Variants in TRAPPC9 observed in about 807,000 individuals in gnomAD.
The protein encoded by TRAPPC9 is IKK2 binding protein.
A neutral mutation model predicts 124.0 loss-of-function variants in TRAPPC9; 83 were observed. The observed-to-expected ratio is 0.67, with a 90% CI of 0.56 to 0.80. The LOEUF (loss-of-function observed/expected upper bound fraction) is 0.80, where lower values mean the gene tolerates loss of function less well. TRAPPC9 is among the 30% of genes least tolerant of loss of function. The pLI is 0.00. For synonymous variants in TRAPPC9, 638 were observed against 617.5 expected (o/e 1.03, Z -0.49); for missense variants, 1,302 against 1,508.3 (o/e 0.86, Z 2.27).
chr8:140,295,918 C>T (rs746613700), intron 11 of TRAPPC9, among the ~76,000 whole-genome samples: 2 of 152,142 alleles, frequency 1.3e-5, no homozygotes, highest in Non-Finnish European at 2.9e-5. Context: ...CTGAAACTTG[C>T]GTTATATCTC....
intron 19 of TRAPPC9, among the ~76,000 whole-genome samples, chr8:139,971,368 T>C (rs1412727476): frequency 1.3e-5 from 2 of 152,152 alleles, no homozygotes; most frequent in East Asian, 1.9e-4. Context: ...CCTCCTGGCC[T>C]GGCACAGGCA....
intron 19 of TRAPPC9, among the ~76,000 whole-genome samples, chr8:139,976,265 C>T (rs1836456701): frequency 6.6e-6 from 1 of 152,044 alleles, no homozygotes; most frequent in South Asian, 2.1e-4. Context: ...TCACCTCACA[C>T]CCGACACAAA....
chr8:139,980,986 C>T (rs1836855906), intron 19 of TRAPPC9, among the ~76,000 whole-genome samples: 1 of 152,228 alleles, frequency 6.6e-6, no homozygotes, highest in Admixed American at 6.5e-5. Context: ...ATCAAGTCAT[C>T]CTATTTTTCT....
At chr8:140,264,402 C>G (rs1317763508) in intron 15 of TRAPPC9, among the ~76,000 whole-genome samples, 18 of 152,150 alleles carry the variant, frequency 1.2e-4, no homozygotes, top group Admixed American at 1.2e-3. Context: ...GTGTTATGAG[C>G]AGGCCTTATG....
intron 19 of TRAPPC9, among the ~76,000 whole-genome samples, chr8:139,936,068 T>G (rs1833492659): frequency 6.6e-6 from 1 of 152,230 alleles, no homozygotes; most frequent in Admixed American, 6.5e-5. Flanking sequence ...ATGCTCACGC[T>G]GACCTCCACC....
At chr8:139,942,549 G>A (rs1186300008) in intron 19 of TRAPPC9, among the ~76,000 whole-genome samples, 2 of 152,152 alleles carry the variant, frequency 1.3e-5, no homozygotes, top group Non-Finnish European at 2.9e-5. Flanking sequence ...AGATAAACTG[G>A]GGAAGCGTGA....
chr8:140,278,162 G>A (rs1024203161), intron 14 of TRAPPC9, among the ~76,000 whole-genome samples: 5 of 151,752 alleles, frequency 3.3e-5, no homozygotes, highest in Non-Finnish European at 7.4e-5. Context: ...GGAGAGCAGT[G>A]GCACAATCTC....
At chr8:140,448,559 G>A (rs2071347710) in intron 2 of TRAPPC9, among the ~76,000 whole-genome samples, 1 of 152,236 alleles carries the variant, frequency 6.6e-6, no homozygotes, top group Admixed American at 6.5e-5. Flanking sequence ...ATGCCCATGT[G>A]GCAAAGGAGG....
chr8:140,401,827 T>C (rs1267294626), intron 6 of TRAPPC9, among the ~76,000 whole-genome samples: 1 of 151,846 alleles, frequency 6.6e-6, no homozygotes, highest in East Asian at 1.9e-4. Context: ...GGTTTTGCCA[T>C]GTTACCCAGG....
At chr8:140,342,344 G>A (rs2067219579) in intron 9 of TRAPPC9, among the ~76,000 whole-genome samples, 1 of 152,044 alleles carries the variant, frequency 6.6e-6, no homozygotes, top group East Asian at 1.9e-4. Context: ...AATATATTTG[G>A]GATTTTGAAG....
chr8:139,840,872 G>T (rs730069), intron 21 of TRAPPC9, among the ~76,000 whole-genome samples: 14,938 of 152,178 alleles, frequency 0.098, 794 homozygotes, highest in Middle Eastern at 0.12. Context: ...ACTTTCTATG[G>T]CTGCCTCACT....
chr8:140,007,233 G>A lies in TRAPPC9; in HGVS notation c.2699+16704C>T, dbSNP rs570130726. On this transcript the variant is annotated intron_variant, in intron 18 of 22. Coordinates refer to ENST00000438773, the MANE Select transcript of TRAPPC9 (RefSeq NM_001160372.4). ...GTTAAAGAGGAGAGCCATGAAGAACGCACGTAATCAGGGGCAATAACAGTA... is the reference window on the plus strand; with the variant it reads ...GTTAAAGAGGAGAGCCATGAAGAACACACGTAATCAGGGGCAATAACAGTA... Among the ~76,000 whole-genome samples, 4 of 152,262 alleles carry A rather than the reference G, an allele frequency of 2.6e-5. No individual in the cohort carries two copies. The East Asian group carries it at 5.8e-4, about 22-fold the overall frequency.
chr8:139,753,113 A>G (rs1819463630), intron 21 of TRAPPC9, among the ~76,000 whole-genome samples: 1 of 133,584 alleles, frequency 7.5e-6, no homozygotes, highest in African/African-American at 2.9e-5. Flanking sequence ...CCATCCATTC[A>G]CCCATCTACC....
chr8:140,191,030 G>C (rs961862697), intron 17 of TRAPPC9, among the ~76,000 whole-genome samples: 2 of 152,114 alleles, frequency 1.3e-5, no homozygotes, highest in African/African-American at 4.8e-5. Flanking sequence ...GCAGTCTCTC[G>C]GAGAGGCCAG....
intron 9 of TRAPPC9, among the ~76,000 whole-genome samples, chr8:140,344,553 G>A (rs28587753): frequency 0.28 from 42,213 of 152,178 alleles, 6,174 homozygotes; most frequent in Middle Eastern, 0.38. Context: ...GGTAGCGCCA[G>A]GCAGAGAAGG....
At chr8:140,033,408 G>A (rs1840624577) in intron 17 of TRAPPC9, among the ~76,000 whole-genome samples, 1 of 152,056 alleles carries the variant, frequency 6.6e-6, no homozygotes, top group African/African-American at 2.4e-5. Context: ...ATTATTTTGA[G>A]GTGGGTCATA....
At chr8:140,433,999 T>A (rs948447545) in intron 4 of TRAPPC9, among the ~76,000 whole-genome samples, 1 of 152,326 alleles carries the variant, frequency 6.6e-6, no homozygotes, top group South Asian at 2.1e-4. Context: ...TACTTTTCAT[T>A]TGCATAGAAG....
rs78974482 is a variant in TRAPPC9 at position 139,833,342 on chromosome 8, T to C, written c.3055+52537A>G. 7.7e-3 allele frequency among the ~76,000 whole-genome samples: 1,177 copies of C among 152,268 alleles called. 12 individuals carry two copies. The highest frequency in any genetic ancestry group is 0.027 in the African/African-American group (1,119 of 41,542). Reference sequence around the variant, plus strand: ...AAAAGGGGCAGCAATTCTGCTTCAGTTTCTCCAGAGAATGTCCCTCCTACC... The same window carrying C: ...AAAAGGGGCAGCAATTCTGCTTCAGCTTCTCCAGAGAATGTCCCTCCTACC... On this transcript the variant is annotated intron_variant, in intron 21 of 22. Coordinates refer to ENST00000438773, the MANE Select transcript of TRAPPC9 (RefSeq NM_001160372.4).
chr8:139,805,210 C>G (rs1419699060), intron 21 of TRAPPC9, among the ~76,000 whole-genome samples: 2 of 152,222 alleles, frequency 1.3e-5, no homozygotes, highest in African/African-American at 4.8e-5. Context: ...TAGGCGTACC[C>G]CAGTGTGTCC....
Sources: allele counts gnomAD v4.1 joint callset (sites outside exome capture counted in the v4.1 genomes callset), GRCh38; gene constraint gnomAD v4.1.1; transcripts MANE v1.5; gene names NCBI Gene and HGNC (gene_info 2026-07-23, HGNC 2026-07-21).